Variants in ARMC6 observed in about 807,000 individuals in gnomAD.
ARMC6 encodes armadillo repeat containing 6.
In ARMC6, 43 loss-of-function variants were observed where a neutral mutation model predicts 49.2. The observed-to-expected ratio is 0.87, with a 90% CI of 0.69 to 1.13. ARMC6 has a LOEUF of 1.13. Ranked by LOEUF, ARMC6 falls within the 50% of genes most tolerant of loss-of-function variation. The probability of loss-of-function intolerance (pLI) is 0.00; values close to 1 mark genes in which losing one functional copy is unlikely to be tolerated. For missense variants in ARMC6, 627 were observed against 682.0 expected (o/e 0.92, Z 0.90); for synonymous variants, 262 against 289.6 (o/e 0.90, Z 0.97).
intron 2 of ARMC6, among the ~76,000 whole-genome samples, chr19:19,038,089 C>T (rs1447171347): frequency 6.6e-6 from 1 of 152,174 alleles, no homozygotes; most frequent in African/African-American, 2.4e-5. Flanking sequence ...CACATGCAAG[C>T]GATTTAGGTT....
chr19:19,053,461 T>C (rs1316808377), intron 5 of ARMC6, among the ~76,000 whole-genome samples: 2 of 152,098 alleles, frequency 1.3e-5, no homozygotes, highest in African/African-American at 4.8e-5. Flanking sequence ...CACTCCAGCC[T>C]TGGTGACAAA....
rs1199972922 is a variant in ARMC6, at chr19:19,034,257, T to C, written c.29+19T>C. 1 of 1,592,586 alleles carries C rather than the reference T, an allele frequency of 6.3e-7. No individual in the cohort carries two copies. The highest frequency in any genetic ancestry group is 1.3e-5 in the African/African-American group (1 of 74,812). Reference sequence around the variant, plus strand: ...GATACAGGTAATGGTGTGCAAATAATAACAGAGTGATGGGACGGGAAAGCA... The same window carrying C: ...GATACAGGTAATGGTGTGCAAATAACAACAGAGTGATGGGACGGGAAAGCA... On this transcript the variant is annotated intron_variant, in intron 2 of 8. Transcript: ENST00000535612.
chr19:19,055,311 A>G lies in ARMC6; in HGVS notation c.1070A>G (p.Asn357Ser), dbSNP rs753679312. The change falls in exon 7 of 9, where the codon AAC (asparagine) becomes AGC (serine). Residue 357 changes from asparagine (N) to serine (S), a missense_variant. Physicochemically the swap from Asn to Ser is conservative, Grantham distance 46. Coordinates refer to ENST00000535612, the MANE Select transcript of ARMC6 (RefSeq NM_001199196.2). The surrounding 1 kb of genome is among the most constrained non-coding windows in gnomAD (Gnocchi z 5.7). ...VLSTLRAIAGNDDVKDAIVRA... is the reference protein window; with the variant it reads ...VLSTLRAIAGSDDVKDAIVRA... The stretch of plus-strand genomic sequence containing the variant: ...AGCACCCTGCGAGCCATCGCAGGCA[A>G]CGACGACGTGAAAGATGCTATTGTC... The G allele has an allele frequency of 6.2e-7, 1 of 1,612,932 alleles. No individual in the cohort carries two copies. The highest frequency in any genetic ancestry group is 8.5e-7 in the Non-Finnish European group (1 of 1,179,388).
chr19:19,051,846 A>C lies in ARMC6; in HGVS notation c.504A>C (p.Gly168=), dbSNP rs372376357. The part of the protein sequence containing the change: ...SLNALSVLTD[G]QPDLLDAQGL... The stretch of plus-strand genomic sequence containing the variant: ...ATGCCCTGTCGGTGCTGACTGATGG[A>C]CAGCCAGACCTCCTGGATGCCCAGG... The change falls in exon 5 of 9, where the codon GGA becomes GGC. Residue 168 remains glycine (G), a synonymous_variant. Coordinates refer to ENST00000535612, the MANE Select transcript of ARMC6 (RefSeq NM_001199196.2). 9.9e-6 allele frequency: 16 copies of C among 1,614,076 alleles called. No individual in the cohort carries two copies. Among genetic ancestry groups the C allele is most frequent in the Non-Finnish European group, 1.4e-5 (16 of 1,180,002 alleles).
At chr19:19,035,719 G>T (rs1330899132) in intron 2 of ARMC6, among the ~76,000 whole-genome samples, 1 of 152,172 alleles carries the variant, frequency 6.6e-6, no homozygotes, top group Non-Finnish European at 1.5e-5. Context: ...GCTGGCAGAA[G>T]CTCCACAGAG....
intron 2 of ARMC6, among the ~76,000 whole-genome samples, chr19:19,035,940 C>G (rs1320751947): frequency 2.6e-5 from 4 of 152,114 alleles, no homozygotes; most frequent in African/African-American, 9.7e-5. Flanking sequence ...CAAATGATTG[C>G]TTTCTTTTGA....
intron 2 of ARMC6, chr19:19,037,647 G>A (rs959475866): frequency 1.6e-5 from 19 of 1,195,760 alleles, no homozygotes; most frequent in Non-Finnish European, 1.9e-5. Context: ...CACCATGCCT[G>A]GCCTGAAGTG....
chr19:19,034,612 G>A (rs1412646149), intron 2 of ARMC6, among the ~76,000 whole-genome samples: 2 of 152,210 alleles, frequency 1.3e-5, no homozygotes, highest in East Asian at 3.9e-4. Flanking sequence ...CTTTTGAGAC[G>A]GAGTCTTTCT....
chr19:19,037,629 G>C (rs545649968), intron 2 of ARMC6: 1 of 1,239,460 alleles, frequency 8.1e-7, no homozygotes, highest in African/African-American at 1.6e-5. Flanking sequence ...GCCTCCCAAA[G>C]TGCAGGCCAC....
intron 2 of ARMC6, among the ~76,000 whole-genome samples, chr19:19,036,250 C>T (rs779693157): frequency 2.6e-5 from 4 of 152,032 alleles, no homozygotes; most frequent in Admixed American, 1.3e-4. Context: ...TTAGTAGAGA[C>T]GGGGTTTCGC....
Position 19,052,148 on chromosome 19 carries a change from T to C in ARMC6, c.806T>C (p.Ile269Thr), listed in dbSNP as rs2145873983. 6.2e-7 allele frequency: 1 copy of C among 1,613,268 alleles called. No individual in the cohort carries two copies. Among genetic ancestry groups the C allele is most frequent in the Non-Finnish European group, 8.5e-7 (1 of 1,179,746 alleles). Residue 269 changes from isoleucine to threonine, a missense_variant, in exon 5 of 9, where the codon ATT becomes ACT. Ile to Thr is a moderately conservative substitution (Grantham distance 89). Transcript: ENST00000535612. ...CATGCCCACAACCATGCCAAGATGATTGTGCAGGAGAACAAAGGCTTGAAG... is the reference window on the plus strand; with the variant it reads ...CATGCCCACAACCATGCCAAGATGACTGTGCAGGAGAACAAAGGCTTGAAG... ...FGHAHNHAKM[I>T]VQENKGLKVL...
intron 2 of ARMC6, among the ~76,000 whole-genome samples, chr19:19,038,384 C>T (rs1457244230): frequency 6.6e-6 from 1 of 152,196 alleles, no homozygotes; most frequent in East Asian, 1.9e-4. Flanking sequence ...AAGGTTGGGA[C>T]TGCTGAGCTA....
At position 19,055,452 on chromosome 19, in the gene ARMC6, A is replaced by G. The variant is rs1219924940; in HGVS notation, c.1155+56A>G. ...AGGGTGGTGGCTGGAGTCCCAGTTC[A>G]GTTTCTGTATCTGCATGAAGCTCTA... is the stretch of plus-strand genomic sequence containing the variant. On this transcript the variant is annotated intron_variant, in intron 7 of 8. Transcript: ENST00000535612. The surrounding 1 kb of genome is among the most constrained non-coding windows in gnomAD (Gnocchi z 5.7). 2 of 1,538,828 alleles carry G rather than the reference A, an allele frequency of 1.3e-6. No homozygotes were observed. Among genetic ancestry groups the G allele is most frequent in the Non-Finnish European group, 1.8e-6 (2 of 1,142,494 alleles).
chr19:19,037,664 T>A, intron 2 of ARMC6: 1 of 1,168,802 alleles, frequency 8.6e-7, no homozygotes, highest in Non-Finnish European at 1.1e-6. Flanking sequence ...AGTGGAAACT[T>A]GATAATTCCA....
intron 2 of ARMC6, among the ~76,000 whole-genome samples, chr19:19,034,696 C>T (rs1350570899): frequency 1.3e-5 from 2 of 152,144 alleles, no homozygotes; most frequent in Non-Finnish European, 2.9e-5. Flanking sequence ...TCAAGGGCTT[C>T]CCCTGCCTCA....
chr19:19,033,961 C>A, intron 1 of ARMC6, 31 bp downstream of exon 1: 1 of 520,328 alleles, frequency 1.9e-6, no homozygotes, highest in Non-Finnish European at 3.4e-6. Context: ...AGGCCTGTCC[C>A]GCGCGGAGTG....
chr19:19,036,101 G>A (rs1184720387), intron 2 of ARMC6, among the ~76,000 whole-genome samples: 1 of 151,970 alleles, frequency 6.6e-6, no homozygotes, highest in East Asian at 1.9e-4. Context: ...TCGCTCTGTC[G>A]CCCAGGCTGG....
chr19:19,053,163 A>G (rs2059513046), intron 5 of ARMC6, among the ~76,000 whole-genome samples: 1 of 152,156 alleles, frequency 6.6e-6, no homozygotes, highest in African/African-American at 2.4e-5. Context: ...AATGAGTCCC[A>G]TTCACATTGT....
At chr19:19,056,890 C>G (rs1198553196) in intron 8 of ARMC6, among the ~76,000 whole-genome samples, 1 of 152,238 alleles carries the variant, frequency 6.6e-6, no homozygotes, top group African/African-American at 2.4e-5. Context: ...CTTCTGGCCA[C>G]CCTGGCCAGC....
Sources: gnomAD v4.1 joint callset for allele counts (sites outside exome capture counted in the v4.1 genomes callset) on GRCh38, gnomAD v4.1.1 for gene constraint, Gnocchi (gnomAD v3.1) non-coding constraint, MANE v1.5 for transcripts, NCBI Gene and HGNC (gene_info 2026-07-23, HGNC 2026-07-21) for gene names.